Variants in CCDC85A observed in about 807,000 individuals in gnomAD.
The protein encoded by CCDC85A is coiled-coil domain containing 85A.
A neutral mutation model predicts 50.2 loss-of-function variants in CCDC85A; 38 were observed. The observed-to-expected ratio is 0.76, with a 90% CI of 0.58 to 0.99. CCDC85A has a LOEUF of 0.99. Ranked by LOEUF, CCDC85A falls within the 50% of genes least tolerant of loss-of-function variation. The pLI is 0.00. For synonymous variants in CCDC85A, 366 were observed against 301.4 expected (o/e 1.21, Z -2.22); for missense variants, 820 against 742.0 (o/e 1.11, Z -1.22).
chr2:56,258,102 T>A (rs1670064035), intron 2 of CCDC85A, among the ~76,000 whole-genome samples: 1 of 152,060 alleles, frequency 6.6e-6, no homozygotes, highest in African/African-American at 2.4e-5. Context: ...AAGGAGTGAA[T>A]TGGCTTCCGA....
intron 2 of CCDC85A, among the ~76,000 whole-genome samples, chr2:56,326,420 T>C (rs1179359818): frequency 6.6e-6 from 1 of 152,156 alleles, no homozygotes; most frequent in Non-Finnish European, 1.5e-5. Context: ...TTGACTAGTC[T>C]GTTGTTGCCT....
chr2:56,332,641 C>G (rs1573280267), intron 2 of CCDC85A, among the ~76,000 whole-genome samples: 1 of 151,980 alleles, frequency 6.6e-6, no homozygotes, highest in Non-Finnish European at 1.5e-5. Flanking sequence ...CTGTCTGTCT[C>G]TGTCTCTCTA....
chr2:56,354,012 A>G (rs1333427768), intron 3 of CCDC85A, among the ~76,000 whole-genome samples: 2 of 152,160 alleles, frequency 1.3e-5, no homozygotes, highest in East Asian at 3.9e-4. Context: ...AATTTTAAAA[A>G]TATCACACTT....
At chr2:56,272,342 A>G (rs528095561) in intron 2 of CCDC85A, among the ~76,000 whole-genome samples, 2 of 152,236 alleles carry the variant, frequency 1.3e-5, no homozygotes, top group East Asian at 3.9e-4. Flanking sequence ...AAGCAAGTAG[A>G]TTAATATTTT....
intron 2 of CCDC85A, among the ~76,000 whole-genome samples, chr2:56,279,401 A>G (rs993607526): frequency 2.3e-4 from 35 of 152,116 alleles, no homozygotes; most frequent in East Asian, 9.7e-4. Flanking sequence ...CATAACCATT[A>G]ATAGTCATTC....
At chr2:56,229,434 A>G (rs1668685633) in intron 2 of CCDC85A, among the ~76,000 whole-genome samples, 1 of 152,160 alleles carries the variant, frequency 6.6e-6, no homozygotes, top group Non-Finnish European at 1.5e-5. Flanking sequence ...GTTGCTTGTA[A>G]TTATGGAAAA....
intron 2 of CCDC85A, among the ~76,000 whole-genome samples, chr2:56,246,021 T>A (rs1669494330): frequency 6.6e-6 from 1 of 152,174 alleles, no homozygotes; most frequent in Admixed American, 6.5e-5. Flanking sequence ...ACCTCCTGGG[T>A]TCAAGTGATT....
rs112435491 is a variant in CCDC85A at position 56,197,067 on chromosome 2, G to C, written c.1240+3627G>C. 3.2e-3 allele frequency among the ~76,000 whole-genome samples: 486 copies of C among 152,178 alleles called. 3 individuals carry two copies. Among genetic ancestry groups the C allele is most frequent in the African/African-American group, 0.011 (459 of 41,530 alleles). ...AACAAGGTCCATTTAGAACTACTTT[G>C]GTCTTGCTGAATGGAGTGTCAGGGT... On this transcript the variant is annotated intron_variant, in intron 2 of 5. Coordinates refer to ENST00000407595, the MANE Select transcript of CCDC85A (RefSeq NM_001080433.2).
intron 3 of CCDC85A, among the ~76,000 whole-genome samples, chr2:56,370,723 C>T (rs771380434): frequency 6.6e-6 from 1 of 152,128 alleles, no homozygotes; most frequent in Non-Finnish European, 1.5e-5. Flanking sequence ...TGGCATAGAT[C>T]CTACCTTAGA....
chr2:56,243,602 G>C (rs1432117171), intron 2 of CCDC85A, among the ~76,000 whole-genome samples: 1 of 152,098 alleles, frequency 6.6e-6, no homozygotes, highest in Non-Finnish European at 1.5e-5. Context: ...GTGTCTGAAA[G>C]GTCACATATC....
intron 2 of CCDC85A, among the ~76,000 whole-genome samples, chr2:56,213,622 A>G (rs1473665442): frequency 2.0e-5 from 3 of 151,968 alleles, no homozygotes; most frequent in Non-Finnish European, 4.4e-5. Context: ...GGGCTCTAGG[A>G]TCTAGGCCAA....
chr2:56,283,332 A>C (rs1039741320), intron 2 of CCDC85A, among the ~76,000 whole-genome samples: 1 of 152,150 alleles, frequency 6.6e-6, no homozygotes, highest in Non-Finnish European at 1.5e-5. Context: ...AATCATGAAT[A>C]GGTGTTAATT....
At chr2:56,380,927 C>T (rs924047627) in intron 5 of CCDC85A, among the ~76,000 whole-genome samples, 4 of 152,044 alleles carry the variant, frequency 2.6e-5, no homozygotes, top group Admixed American at 2.6e-4. Context: ...TTTCTCTATC[C>T]TATCAGGATG....
intron 3 of CCDC85A, among the ~76,000 whole-genome samples, chr2:56,367,409 TG>T (rs1445822919): frequency 6.6e-6 from 1 of 152,174 alleles, no homozygotes; most frequent in Non-Finnish European, 1.5e-5. Context: ...CCAAATCCTG[TG>T]GGCAACATGT....
chr2:56,209,767 A>T (rs905851388), intron 2 of CCDC85A, among the ~76,000 whole-genome samples: 1 of 151,994 alleles, frequency 6.6e-6, no homozygotes. Context: ...TTATTTCTTC[A>T]TTCATTTATT....
At chr2:56,317,839 A>C (rs1174410064) in intron 2 of CCDC85A, among the ~76,000 whole-genome samples, 2 of 151,958 alleles carry the variant, frequency 1.3e-5, no homozygotes. Flanking sequence ...CTCCATTCTC[A>C]AGTAGGAGCC....
rs76545402 is a variant in CCDC85A at position 56,192,602 on chromosome 2, C to T, written c.402C>T (p.Ala134=). 9.3e-6 allele frequency: 15 copies of T among 1,613,830 alleles called. No homozygotes were observed. Among genetic ancestry groups the T allele is most frequent in the Middle Eastern group, 3.3e-4 (2 of 6,062 alleles). ...GGCAGAGACTGGGTCGCTACACTGC[C>T]GGGGTGATGCACAAGGAAGTGGCCT... ...REWQRLGRYT[A]GVMHKEVALY... The change falls in exon 2 of 6, where the codon GCC becomes GCT. Residue 134 remains alanine (A), a synonymous_variant. Transcript: ENST00000407595. The surrounding 1 kb of genome is among the most constrained non-coding windows in gnomAD (Gnocchi z 4.7).
chr2:56,371,044 T>G (rs997391177), intron 3 of CCDC85A, among the ~76,000 whole-genome samples: 5 of 152,156 alleles, frequency 3.3e-5, no homozygotes, highest in Non-Finnish European at 7.4e-5. Context: ...GAGATAATTC[T>G]TTTGATGATG....
intron 2 of CCDC85A, among the ~76,000 whole-genome samples, chr2:56,226,302 C>A (rs1668539608): frequency 6.6e-6 from 1 of 152,176 alleles, no homozygotes; most frequent in Non-Finnish European, 1.5e-5. Flanking sequence ...AGGGCAAGGA[C>A]TGTATCTGTT....
Sources: allele counts gnomAD v4.1 joint callset (sites outside exome capture counted in the v4.1 genomes callset), GRCh38; gene constraint gnomAD v4.1.1; non-coding constraint Gnocchi (gnomAD v3.1); transcripts MANE v1.5; gene names NCBI Gene and HGNC (gene_info 2026-07-23, HGNC 2026-07-21).